MRC2: variants seen among roughly 807,000 people sequenced by gnomAD.
MRC2 encodes mannose receptor C-type 2, also known as C-type mannose receptor 2.
Under a neutral mutation model 206.2 loss-of-function variants are expected in MRC2, and 84 were observed. That is an observed-to-expected ratio of 0.41 (90% confidence interval 0.34 to 0.49). MRC2 has a LOEUF of 0.49. Ranked by LOEUF, MRC2 falls within the 20% of genes least tolerant of loss-of-function variation. The pLI, the probability that MRC2 is intolerant of heterozygous loss-of-function variation, is 0.31. For missense variants in MRC2, 1,676 were observed against 2,001.5 expected (o/e 0.84, Z 3.10); for synonymous variants, 798 against 800.0 (o/e 1.00, Z 0.04).
rs966020737 is a variant in MRC2, at chr17:62,675,128, C to T, written c.1570-662C>T. Reference sequence around the variant, plus strand: ...TGAAGGGAGGAGTAGAGAGGAATTACCAACTTCTCTGGCACCAAGGCCAGC... The same window carrying T: ...TGAAGGGAGGAGTAGAGAGGAATTATCAACTTCTCTGGCACCAAGGCCAGC... On this transcript the variant is annotated intron_variant, in intron 9 of 29. Coordinates refer to ENST00000303375, the MANE Select transcript of MRC2 (RefSeq NM_006039.5). The surrounding 1 kb of genome is among the most constrained non-coding windows in gnomAD (Gnocchi z 4.1). Among the ~76,000 whole-genome samples, 1 of 152,158 alleles carries T rather than the reference C, an allele frequency of 6.6e-6. No individual in the cohort carries two copies. Among genetic ancestry groups the T allele is most frequent in the African/African-American group, 2.4e-5 (1 of 41,422 alleles).
At chr17:62,661,559 T>A (rs2088681209) in intron 1 of MRC2, 1 of 145,788 alleles carries the variant, frequency 6.9e-6, no homozygotes, top group South Asian at 2.3e-4. Flanking sequence ...TCTTTCTTTC[T>A]TTCTCCTTCC....
chr17:62,672,151 C>T lies in MRC2; in HGVS notation c.1460C>T (p.Pro487Leu), dbSNP rs552462957. The change falls in exon 8 of 30, where the codon CCG (proline) becomes CTG (leucine). Residue 487 changes from proline (P) to leucine (L), a missense_variant and splice_region_variant. Coordinates refer to ENST00000303375, the MANE Select transcript of MRC2 (RefSeq NM_006039.5). This position sits in a 1 kb window ranked among gnomAD's most constrained non-coding sequence, Gnocchi z 4.5. ...GAGGACTGTGTCACCATCTGGGGCC[C>T]GGTGAGATCTCCCTCTCCCTATCAC... ...SLEDCVTIWG[P>L]EGRWNDSPCN... 4.0e-5 allele frequency: 65 copies of T among 1,613,984 alleles called. No individual in the cohort carries two copies. The highest frequency in any genetic ancestry group is 3.1e-4 in the South Asian group (28 of 91,066).
chr17:62,665,412 A>C (rs1306414192), intron 2 of MRC2, among the ~76,000 whole-genome samples: 1 of 129,556 alleles, frequency 7.7e-6, no homozygotes, highest in South Asian at 2.7e-4. Context: ...CCCCCCCCCC[A>C]CAAAAAAAAA....
chr17:62,649,572 CAGAG>C (rs1286068310), intron 1 of MRC2, among the ~76,000 whole-genome samples: 2 of 152,180 alleles, frequency 1.3e-5, no homozygotes, highest in African/African-American at 2.4e-5. Context: ...GCCTGCGTGA[CAGAG>C]AGAGACTCTG....
chr17:62,653,025 G>T (rs1452022146), intron 1 of MRC2, among the ~76,000 whole-genome samples: 1 of 152,070 alleles, frequency 6.6e-6, no homozygotes, highest in Non-Finnish European at 1.5e-5. Context: ...GTCAAGGTGT[G>T]CCCGCCCCCG....
At chr17:62,689,351 T>C (rs1029298436) in intron 23 of MRC2, 171 bp from the exon 24 acceptor site, 4 of 592,870 alleles carry the variant, frequency 6.7e-6, no homozygotes, top group Non-Finnish European at 9.0e-6. Flanking sequence ...TTAGCAAACA[T>C]GTATTATTAA....
At chr17:62,648,622 C>T (rs912900872) in intron 1 of MRC2, among the ~76,000 whole-genome samples, 5 of 152,208 alleles carry the variant, frequency 3.3e-5, no homozygotes, top group Admixed American at 6.5e-5. Context: ...CCTTGCATCT[C>T]CCTCCTGGGA....
intron 13 of MRC2, chr17:62,679,518 T>C: frequency 3.7e-6 from 1 of 267,550 alleles, no homozygotes. Flanking sequence ...AGAATCTTGC[T>C]GGACAGGGCA....
At chr17:62,651,758 G>T (rs2147449467) in intron 1 of MRC2, among the ~76,000 whole-genome samples, 1 of 152,064 alleles carries the variant, frequency 6.6e-6, no homozygotes, top group Middle Eastern at 3.4e-3. Flanking sequence ...TTTTATTAGA[G>T]ATGGAGTTTC....
intron 23 of MRC2, 94 bp from the exon 24 acceptor site, chr17:62,689,428 T>C (rs2089074091): frequency 1.2e-6 from 1 of 827,954 alleles, no homozygotes; most frequent in Admixed American, 2.8e-5. Flanking sequence ...GGAGACCGGG[T>C]CTTTGCCTGG....
At chr17:62,674,911 G>C (rs1431582054) in intron 9 of MRC2, among the ~76,000 whole-genome samples, 1 of 152,102 alleles carries the variant, frequency 6.6e-6, no homozygotes, top group Non-Finnish European at 1.5e-5. Context: ...TCCTCACTCT[G>C]TTTTCCTTTG....
intron 25 of MRC2, 42 bp from the exon 26 acceptor site, chr17:62,690,114 G>C: frequency 6.3e-7 from 1 of 1,581,730 alleles, no homozygotes; most frequent in Non-Finnish European, 8.6e-7. Flanking sequence ...CGGTGGCCCC[G>C]GGGAGGGTGC....
chr17:62,639,946 T>C (rs1022818347), intron 1 of MRC2, among the ~76,000 whole-genome samples: 3 of 150,404 alleles, frequency 2.0e-5, no homozygotes, highest in Admixed American at 6.6e-5. Context: ...CTCTGCCTCC[T>C]GGGTTGAAGC....
chr17:62,661,161 G>C (rs1322088141), intron 1 of MRC2, among the ~76,000 whole-genome samples: 1 of 152,186 alleles, frequency 6.6e-6, no homozygotes, highest in Non-Finnish European at 1.5e-5. Flanking sequence ...TGAGCAAGGT[G>C]GAGTAACAAG....
rs1329300437 is a variant in MRC2 at position 62,682,195 on chromosome 17, C to T, written c.2804-40C>T. ...GCTGCCAGCCATGCCCTGCCCTGCTCTGCCCTGGGGGTGACTGCCCTCCCC... is the reference window on the plus strand; with the variant it reads ...GCTGCCAGCCATGCCCTGCCCTGCTTTGCCCTGGGGGTGACTGCCCTCCCC... On this transcript the variant is annotated intron_variant, in intron 19 of 29. Coordinates refer to ENST00000303375, the MANE Select transcript of MRC2 (RefSeq NM_006039.5). 2.6e-6 allele frequency: 4 copies of T among 1,517,880 alleles called. No individual in the cohort carries two copies. The Admixed American group carries it at 8.3e-5, about 32-fold the overall frequency. The allele number at this position is 1,517,880 out of a possible 1,614,324, so 94.0% of individuals were successfully genotyped here.
rs2088724843 is a variant in MRC2 at position 62,664,652 on chromosome 17, C to T, written c.223C>T (p.Gln75Ter). The T allele has an allele frequency of 6.2e-7, 1 of 1,613,836 alleles. No individual in the cohort carries two copies. Among genetic ancestry groups the T allele is most frequent in the Non-Finnish European group, 8.5e-7 (1 of 1,180,034 alleles). The change falls in exon 2 of 30, where the codon CAG becomes TAG. Residue 75 changes from glutamine to a stop codon, truncating the protein, a stop_gained. Transcript: ENST00000303375. LOFTEE classifies it high-confidence loss of function. The surrounding 1 kb of genome is among the most constrained non-coding windows in gnomAD (Gnocchi z 4.7). ...TPACNTSLPAQRWKWVSRNRL... is the reference protein window; with the variant it reads ...TPACNTSLPA Reference sequence around the variant, plus strand: ...GGCTTGCAATACCAGCCTCCCTGCCCAGCGCTGGAAGTGGGTCTCCCGAAA... The same window carrying T: ...GGCTTGCAATACCAGCCTCCCTGCCTAGCGCTGGAAGTGGGTCTCCCGAAA...
At position 62,677,568 on chromosome 17, in the gene MRC2, C is replaced by T. The variant is rs1486150622; in HGVS notation, c.2052+82C>T. 7.1e-6 allele frequency: 9 copies of T among 1,269,146 alleles called. No homozygotes were observed. The East Asian group carries it at 2.3e-4, about 32-fold the overall frequency. The allele number at this position is 1,269,146 out of a possible 1,614,324, so 78.6% of individuals were successfully genotyped here. ...GTTTGGATGGAGGTCCCAGTGGGAC[C>T]AGCCACAATCCAGAGACACACCAGG... On this transcript the variant is annotated intron_variant, in intron 12 of 29. Coordinates refer to ENST00000303375, the MANE Select transcript of MRC2 (RefSeq NM_006039.5).
At chr17:62,651,586 T>C (rs1044769829) in intron 1 of MRC2, among the ~76,000 whole-genome samples, 7 of 152,034 alleles carry the variant, frequency 4.6e-5, no homozygotes, top group African/African-American at 1.4e-4. Context: ...TTTTTCTCCT[T>C]CTTTACGGAG....
chr17:62,667,383 C>A lies in MRC2; in HGVS notation c.974-7C>A. The A allele has an allele frequency of 6.3e-7, 1 of 1,587,952 alleles. No individual in the cohort carries two copies. The highest frequency in any genetic ancestry group is 8.6e-7 in the Non-Finnish European group (1 of 1,168,514). On this transcript the variant is annotated splice_region_variant and splice_polypyrimidine_tract_variant and intron_variant, in intron 5 of 29. Coordinates refer to ENST00000303375, the MANE Select transcript of MRC2 (RefSeq NM_006039.5). This position sits in a 1 kb window ranked among gnomAD's most constrained non-coding sequence, Gnocchi z 4.1. ...CCGGGGGTGCTGGCGCCCTGCCCTC[C>A]CCACAGACCAGCCGGACAACCCCAG...
Sources: gnomAD v4.1 joint callset for allele counts (sites outside exome capture counted in the v4.1 genomes callset) on GRCh38, gnomAD v4.1.1 for gene constraint, Gnocchi (gnomAD v3.1) non-coding constraint, MANE v1.5 for transcripts, NCBI Gene and HGNC (gene_info 2026-07-23, HGNC 2026-07-21) for gene names.